The following SH3RF2 variants were observed in gnomAD, a reference collection of about 807,000 sequenced individuals.
SH3RF2 encodes E3 ubiquitin-protein ligase SH3RF2.
Under a neutral mutation model 59.0 loss-of-function variants are expected in SH3RF2, and 43 were observed. The ratio of observed to expected loss-of-function variants is 0.73; its 90% CI spans 0.57 to 0.94. The LOEUF (loss-of-function observed/expected upper bound fraction) is 0.94, where lower values mean the gene tolerates loss of function less well. SH3RF2 is among the 40% of genes least tolerant of loss of function. The pLI, the probability that SH3RF2 is intolerant of heterozygous loss-of-function variation, is 0.00. For synonymous variants in SH3RF2, 391 were observed against 391.5 expected (o/e 1.00, Z 0.01); for missense variants, 930 against 940.1 (o/e 0.99, Z 0.14).
At chr5:146,000,030 C>T (rs999477433) in intron 2 of SH3RF2, 28 bp from the exon 3 acceptor site, 3 of 1,608,540 alleles carry the variant, frequency 1.9e-6, no homozygotes, top group Admixed American at 1.7e-5. Context: ...AAGCTAAGTA[C>T]ATATCTTATT....
At chr5:145,972,776 T>C (rs962245715) in intron 2 of SH3RF2, among the ~76,000 whole-genome samples, 1 of 152,184 alleles carries the variant, frequency 6.6e-6, no homozygotes, top group Admixed American at 6.5e-5. Flanking sequence ...GAAAGTCATA[T>C]GGCTTATTTG....
At chr5:145,981,814 G>A (rs1485091878) in intron 2 of SH3RF2, among the ~76,000 whole-genome samples, 1 of 152,234 alleles carries the variant, frequency 6.6e-6, no homozygotes. Flanking sequence ...GGCAGTGGCT[G>A]CTGTATTGGA....
intron 2 of SH3RF2, chr5:145,998,060 G>T: frequency 1.7e-6 from 1 of 579,484 alleles, no homozygotes; most frequent in Admixed American, 3.3e-5. Flanking sequence ...GATGTATGAA[G>T]TTGCAAATAA....
rs1403847724 is a variant in SH3RF2, at chr5:146,063,265, G to T, written c.*564G>T. 3 of 152,538 alleles carry T rather than the reference G, an allele frequency of 2.0e-5. No homozygotes were observed. Among genetic ancestry groups the T allele is most frequent in the African/African-American group, 7.2e-5 (3 of 41,426 alleles). The allele number at this position is 152,538 out of a possible 1,614,324, so 9.4% of individuals were successfully genotyped here. On this transcript the variant is annotated 3_prime_UTR_variant, in exon 10 of 10. Transcript: ENST00000359120. ...GTGAGGTGGATACTTTGAACATTCT[G>T]AGAACCCAATAAAACTAGAAGGAGC...
intron 7 of SH3RF2, among the ~76,000 whole-genome samples, chr5:146,053,702 A>AATAAATACC (rs1178899623): frequency 6.6e-6 from 1 of 151,984 alleles, no homozygotes; most frequent in African/African-American, 2.4e-5. Flanking sequence ...CTGTCCTCCT[A>AATAAATACC]ATAAATACCC....
At chr5:146,057,997 T>TATATATATATATATATATATATATA (rs1762745073) in intron 8 of SH3RF2, among the ~76,000 whole-genome samples, 1 of 150,826 alleles carries the variant, frequency 6.6e-6, no homozygotes, top group African/African-American at 2.4e-5. Flanking sequence ...TATATATATA[T>TATATATATATATATATATATATATA]TTGATTTAAA....
intron 7 of SH3RF2, 107 bp downstream of exon 7, chr5:146,049,352 C>A: frequency 7.6e-7 from 1 of 1,312,160 alleles, no homozygotes; most frequent in Non-Finnish European, 1.0e-6. Flanking sequence ...GAAAACAGGC[C>A]AAGAAAGCGC....
intron 2 of SH3RF2, among the ~76,000 whole-genome samples, chr5:145,971,573 A>G (rs1377251209): frequency 6.6e-6 from 1 of 152,252 alleles, no homozygotes; most frequent in East Asian, 1.9e-4. Flanking sequence ...TCCTCAACAC[A>G]TACTGTGCTG....
Position 146,062,725 on chromosome 5 carries a change from C to G in SH3RF2, c.*24C>G. 1 of 1,601,306 alleles carries G rather than the reference C, an allele frequency of 6.2e-7. No homozygotes were observed. Among genetic ancestry groups the G allele is most frequent in the East Asian group, 2.2e-5 (1 of 44,714 alleles). ...GAACCTACGGGTGGCTTTTCCTAGACCCCAAAGAGGTGAATTGCATTTAAA... is the reference window on the plus strand; with the variant it reads ...GAACCTACGGGTGGCTTTTCCTAGAGCCCAAAGAGGTGAATTGCATTTAAA... On this transcript the variant is annotated 3_prime_UTR_variant, in exon 10 of 10. Transcript: ENST00000359120.
At chr5:145,965,396 G>A (rs1739261583) in intron 2 of SH3RF2, among the ~76,000 whole-genome samples, 1 of 152,112 alleles carries the variant, frequency 6.6e-6, no homozygotes. Flanking sequence ...TAGGCCCAGA[G>A]TAATTGATAA....
intron 7 of SH3RF2, chr5:146,055,778 T>C: frequency 1.6e-6 from 1 of 608,454 alleles, no homozygotes; most frequent in East Asian, 2.8e-5. Context: ...CAGCACACCC[T>C]CACAGTTATC....
intron 4 of SH3RF2, among the ~76,000 whole-genome samples, chr5:146,004,569 T>C (rs987582168): frequency 6.6e-5 from 10 of 152,172 alleles, no homozygotes; most frequent in African/African-American, 2.4e-4. Context: ...AGAAATACTC[T>C]AAATATTCAA....
chr5:145,967,908 C>T (rs1271849957), intron 2 of SH3RF2, among the ~76,000 whole-genome samples: 1 of 152,200 alleles, frequency 6.6e-6, no homozygotes, highest in Admixed American at 6.5e-5. Context: ...GATCCACCCA[C>T]CTTGGCCTCC....
intron 4 of SH3RF2, among the ~76,000 whole-genome samples, chr5:146,007,282 G>A (rs986867485): frequency 2.6e-5 from 4 of 152,194 alleles, no homozygotes; most frequent in African/African-American, 4.8e-5. Flanking sequence ...CCAGTTAGAT[G>A]ACTGTGGATT....
chr5:145,958,392 G>C lies in SH3RF2; in HGVS notation c.378+20086G>C, dbSNP rs528027858. On this transcript the variant is annotated intron_variant, in intron 2 of 9. Coordinates refer to ENST00000359120, the MANE Select transcript of SH3RF2 (RefSeq NM_152550.4). ...AATATTCTTAGGAGTTGGTTCAGGG[G>C]ACTCAGCTCTAAGCACTCAGTGACA... 2.0e-5 allele frequency among the ~76,000 whole-genome samples: 3 copies of C among 152,264 alleles called. No individual in the cohort carries two copies. The South Asian group carries it at 6.2e-4, about 32-fold the overall frequency.
At chr5:146,076,436 C>A (rs889386791) in intron 9 of SH3RF2, among the ~76,000 whole-genome samples, 1 of 152,154 alleles carries the variant, frequency 6.6e-6, no homozygotes, top group African/African-American at 2.4e-5. Flanking sequence ...TAAGGCAGAC[C>A]GCCTTCCTTT....
chr5:145,999,950 T>G (rs1291982882), intron 2 of SH3RF2, 108 bp from the exon 3 acceptor site: 1 of 1,353,856 alleles, frequency 7.4e-7, no homozygotes, highest in Non-Finnish European at 1.0e-6. Flanking sequence ...AAACTCAGTA[T>G]TTGCAAAGCA....
In SH3RF2 at chr5:145,938,278, T is replaced by C. The variant is rs747451378; in HGVS notation, c.350T>C (p.Val117Ala). ...RRLQASPFRL[V>A]PNVRIHMDGV... ...CTGCAGGCCAGTCCTTTCCGGCTAG[T>C]GCCTAATGTCAGAATCCACATGGAT... Residue 117 changes from valine (V) to alanine (A), a missense_variant, in exon 2 of 10, where the codon GTG becomes GCG. Physicochemically the swap from Val to Ala is moderately conservative, Grantham distance 64 (BLOSUM62 0). Coordinates refer to ENST00000359120, the MANE Select transcript of SH3RF2 (RefSeq NM_152550.4). The C allele has an allele frequency of 7.8e-5, 123 of 1,578,008 alleles. No homozygotes were observed. Among genetic ancestry groups the C allele is most frequent in the Non-Finnish European group, 1.0e-4 (117 of 1,167,104 alleles).
At chr5:145,974,513 A>G (rs995070708) in intron 2 of SH3RF2, among the ~76,000 whole-genome samples, 1 of 152,232 alleles carries the variant, frequency 6.6e-6, no homozygotes, top group Admixed American at 6.5e-5. Context: ...GAATGTATCT[A>G]TGTATATATA....
Sources: gnomAD v4.1 joint callset for allele counts (sites outside exome capture counted in the v4.1 genomes callset) on GRCh38, gnomAD v4.1.1 for gene constraint, MANE v1.5 for transcripts, NCBI Gene and HGNC (gene_info 2026-07-23, HGNC 2026-07-21) for gene names.